Variants in MAF observed in about 807,000 individuals in gnomAD.
MAF encodes transcription factor Maf.
MAF carries 10 observed loss-of-function variants against 22.0 expected under a neutral mutation model. That is an observed-to-expected ratio of 0.45 (90% CI 0.28 to 0.77). The LOEUF (loss-of-function observed/expected upper bound fraction) is 0.77, where lower values mean the gene tolerates loss of function less well. MAF is among the 30% of genes least tolerant of loss of function. MAF has a pLI of 0.12. For missense variants in MAF, 544 were observed against 548.4 expected (o/e 0.99, Z 0.08); for synonymous variants, 337 against 255.8 (o/e 1.32, Z -3.03).
At chr16:79,427,819 C>T in the MAF span, among the ~76,000 whole-genome samples, 4 of 152,222 alleles carry the variant, frequency 2.6e-5, no homozygotes, top group East Asian at 5.8e-4. Flanking sequence ...AGACCATGCA[C>T]GGCCTCCTTG....
the MAF span, among the ~76,000 whole-genome samples, chr16:79,254,005 A>C: frequency 6.6e-6 from 1 of 151,378 alleles, no homozygotes; most frequent in Admixed American, 6.6e-5. Flanking sequence ...GCATCTGTGA[A>C]ATGCCTCAGC....
the MAF span, among the ~76,000 whole-genome samples, chr16:79,383,802 A>G: frequency 6.6e-6 from 1 of 152,220 alleles, no homozygotes; most frequent in Admixed American, 6.5e-5. Flanking sequence ...GAGAAAAGTG[A>G]GAAGGCTATC....
chr16:79,363,207 G>C, the MAF span, among the ~76,000 whole-genome samples: 1 of 152,064 alleles, frequency 6.6e-6, no homozygotes, highest in Non-Finnish European at 1.5e-5. Flanking sequence ...TAGGGGGGTG[G>C]GGAAAGTCCC....
At chr16:79,208,245 G>C in the MAF span, among the ~76,000 whole-genome samples, 1 of 152,182 alleles carries the variant, frequency 6.6e-6, no homozygotes, top group East Asian at 1.9e-4. Context: ...AGATTCTTCT[G>C]GGCTTCCCAG....
the MAF span, among the ~76,000 whole-genome samples, chr16:79,215,719 T>G: frequency 6.6e-6 from 1 of 152,140 alleles, no homozygotes; most frequent in African/African-American, 2.4e-5. Context: ...ATTCATTCAT[T>G]TAACAAACAT....
At chr16:79,364,307 A>T in the MAF span, among the ~76,000 whole-genome samples, 2 of 152,156 alleles carry the variant, frequency 1.3e-5, no homozygotes, top group Admixed American at 6.5e-5. Context: ...CAGACAACAA[A>T]GTTGGGGGAC....
At chr16:79,280,109 T>G in the MAF span, among the ~76,000 whole-genome samples, 3 of 152,364 alleles carry the variant, frequency 2.0e-5, no homozygotes, top group African/African-American at 7.2e-5. Context: ...GCTGCCCTAT[T>G]AACCAGAAGT....
At chr16:79,511,654 A>G in the MAF span, among the ~76,000 whole-genome samples, 2 of 152,200 alleles carry the variant, frequency 1.3e-5, no homozygotes, top group Non-Finnish European at 2.9e-5. Context: ...TATGGTACAT[A>G]TATCTCTGCC....
At chr16:79,349,959 T>G in the MAF span, among the ~76,000 whole-genome samples, 1 of 152,232 alleles carries the variant, frequency 6.6e-6, no homozygotes, top group South Asian at 2.1e-4. Context: ...CAAAAGTCTT[T>G]GCCTTTGCAC....
At chr16:79,597,895 G>C (rs1429801542) in intron 1 of MAF, 2 of 1,035,858 alleles carry the variant, frequency 1.9e-6, no homozygotes, top group African/African-American at 3.4e-5. Flanking sequence ...GCATAATAAT[G>C]CATGAGATGA....
At chr16:79,228,831 G>T in the MAF span, among the ~76,000 whole-genome samples, 1 of 151,940 alleles carries the variant, frequency 6.6e-6, no homozygotes, top group East Asian at 1.9e-4. Flanking sequence ...CACCAAGGGT[G>T]CAGGTTTAAC....
chr16:79,329,805 CTTCAAAACAAA>C, the MAF span, among the ~76,000 whole-genome samples: 3 of 152,134 alleles, frequency 2.0e-5, no homozygotes, highest in Non-Finnish European at 2.9e-5. Context: ...TTAAATACAG[CTTCAAAACAAA>C]TTCAAAACAA....
chr16:79,477,575 C>G, the MAF span, among the ~76,000 whole-genome samples: 1 of 152,194 alleles, frequency 6.6e-6, no homozygotes, highest in South Asian at 2.1e-4. Flanking sequence ...CTTATGAACA[C>G]TTAGAGCCTT....
the MAF span, among the ~76,000 whole-genome samples, chr16:79,537,930 C>G: frequency 6.6e-6 from 1 of 152,078 alleles, no homozygotes; most frequent in East Asian, 1.9e-4. Context: ...CTATTTAACC[C>G]CATTTCACAG....
the MAF span, among the ~76,000 whole-genome samples, chr16:79,529,113 G>C: frequency 6.6e-6 from 1 of 152,166 alleles, no homozygotes; most frequent in Admixed American, 6.5e-5. Context: ...AGGACTGATT[G>C]CTAGCTACAT....
At chr16:79,379,690 T>C in the MAF span, among the ~76,000 whole-genome samples, 1 of 152,166 alleles carries the variant, frequency 6.6e-6, no homozygotes, top group African/African-American at 2.4e-5. Context: ...AGGGGCTGAG[T>C]CTTGATCTTT....
the MAF span, among the ~76,000 whole-genome samples, chr16:79,249,898 T>C: frequency 0.37 from 56,300 of 152,078 alleles, 12,021 homozygotes; most frequent in Non-Finnish European, 0.5. Context: ...TCACTGCACG[T>C]AGCCCAGTGC....
At chr16:79,337,598 C>A in the MAF span, among the ~76,000 whole-genome samples, 5 of 110,528 alleles carry the variant, frequency 4.5e-5, no homozygotes, top group African/African-American at 1.4e-4. Context: ...AGACAGCATA[C>A]CATTTGCAAG....
chr16:79,355,642 A>G, the MAF span, among the ~76,000 whole-genome samples: 1 of 152,154 alleles, frequency 6.6e-6, no homozygotes, highest in East Asian at 1.9e-4. Flanking sequence ...CTCAAATATG[A>G]TTTCTTTGGA....
Sources: gnomAD v4.1 joint callset for allele counts (sites outside exome capture counted in the v4.1 genomes callset) on GRCh38, gnomAD v4.1.1 for gene constraint, MANE v1.5 for transcripts, NCBI Gene and HGNC (gene_info 2026-07-23, HGNC 2026-07-21) for gene names.